FAM178B: variants seen among roughly 807,000 people sequenced by gnomAD.
FAM178B encodes family with sequence similarity 178 member B.
FAM178B carries 82 observed loss-of-function variants against 91.7 expected under a neutral mutation model. The ratio of observed to expected loss-of-function variants is 0.89; its 90% CI spans 0.75 to 1.07. The LOEUF is 1.07. FAM178B is among the 50% of genes least tolerant of loss of function. The pLI is 0.00. For synonymous variants in FAM178B, 368 were observed against 359.4 expected, an observed-to-expected ratio of 1.02 and a Z score of -0.27; for missense variants, 769 against 846.7, an observed-to-expected ratio of 0.91 and a Z score of 1.14.
intron 8 of FAM178B, among the ~76,000 whole-genome samples, chr2:96,941,713 A>T (rs891738358): frequency 3.3e-5 from 5 of 152,230 alleles, no homozygotes; most frequent in Non-Finnish European, 7.3e-5. Context: ...ATATTATAGA[A>T]GCCAACAGAG....
At chr2:96,928,686 G>A (rs543285985) in intron 9 of FAM178B, among the ~76,000 whole-genome samples, 2 of 152,308 alleles carry the variant, frequency 1.3e-5, no homozygotes, top group Admixed American at 6.5e-5. Context: ...GAGTCAGGAA[G>A]TGCCAAAAAC....
intron 6 of FAM178B, among the ~76,000 whole-genome samples, chr2:96,954,353 G>C (rs1026826003): frequency 6.6e-6 from 1 of 152,260 alleles, no homozygotes; most frequent in Non-Finnish European, 1.5e-5. Flanking sequence ...CACTGGAGCA[G>C]AAGGAAGCGA....
intron 4 of FAM178B, among the ~76,000 whole-genome samples, chr2:96,970,091 C>A (rs1241153967): frequency 6.6e-6 from 1 of 152,200 alleles, no homozygotes; most frequent in Non-Finnish European, 1.5e-5. Context: ...AAAGAGCATG[C>A]CCCCATGAAG....
intron 8 of FAM178B, among the ~76,000 whole-genome samples, chr2:96,929,891 C>T (rs11164113): frequency 1.3e-5 from 2 of 151,980 alleles, no homozygotes; most frequent in Non-Finnish European, 1.5e-5. Flanking sequence ...GTTTCCCTTG[C>T]CCAATTTAAC....
intron 15 of FAM178B, 42 bp from the exon 16 acceptor site, chr2:96,878,084 G>T (rs754734413): frequency 6.3e-6 from 10 of 1,596,534 alleles, no homozygotes; most frequent in Non-Finnish European, 8.5e-6. Context: ...TGTAGCACAA[G>T]CCAGGCACAT....
intron 6 of FAM178B, among the ~76,000 whole-genome samples, chr2:96,952,928 T>G (rs1185275373): frequency 6.6e-6 from 1 of 152,146 alleles, no homozygotes; most frequent in African/African-American, 2.4e-5. Context: ...CAGCCCAACC[T>G]CCTCCTTCTG....
At chr2:96,905,565 AAAAAG>A (rs1392485611) in intron 12 of FAM178B, among the ~76,000 whole-genome samples, 14 of 150,172 alleles carry the variant, frequency 9.3e-5, no homozygotes, top group African/African-American at 2.4e-4. Flanking sequence ...TCAAAAAAAA[AAAAAG>A]AAAAAGAAAA....
chr2:96,891,340 C>A (rs903797848), intron 14 of FAM178B, among the ~76,000 whole-genome samples: 2 of 152,196 alleles, frequency 1.3e-5, no homozygotes, highest in African/African-American at 2.4e-5. Context: ...GCTATAAGCT[C>A]TTGTGGCCTT....
At chr2:96,925,067 C>T (rs2081412290) in intron 9 of FAM178B, among the ~76,000 whole-genome samples, 1 of 152,088 alleles carries the variant, frequency 6.6e-6, no homozygotes. Flanking sequence ...GTAAGGCTGG[C>T]ATTTGCACAT....
intron 9 of FAM178B, 84 bp from the exon 10 acceptor site, chr2:96,923,667 G>A: frequency 1.0e-6 from 1 of 975,974 alleles, no homozygotes; most frequent in Non-Finnish European, 1.6e-6. Context: ...GGACACTGCT[G>A]CCCTGAGGCT....
At chr2:96,911,852 G>A (rs1435462493) in intron 12 of FAM178B, among the ~76,000 whole-genome samples, 1 of 152,178 alleles carries the variant, frequency 6.6e-6, no homozygotes, top group African/African-American at 2.4e-5. Flanking sequence ...GGAAGACAGG[G>A]AAGGGGTCCT....
At chr2:96,975,414 C>G (rs2082276539) in intron 1 of FAM178B, among the ~76,000 whole-genome samples, 1 of 152,112 alleles carries the variant, frequency 6.6e-6, no homozygotes, top group Admixed American at 6.6e-5. Flanking sequence ...TGTAAGCATA[C>G]TTCTTTCAAA....
Position 96,972,585 on chromosome 2 carries a change from T to G in FAM178B, c.95A>C (p.Gln32Pro). 1 of 1,551,638 alleles carries G rather than the reference T, an allele frequency of 6.4e-7. No individual in the cohort carries two copies. Among genetic ancestry groups the G allele is most frequent in the Non-Finnish European group, 8.7e-7 (1 of 1,146,990 alleles). ...CACCGTCTCCTGGGGCCCAGCCATCTGCAAGCCGTGGGACATCTGTCCTGG... is the reference window on the plus strand; with the variant it reads ...CACCGTCTCCTGGGGCCCAGCCATCGGCAAGCCGTGGGACATCTGTCCTGG... ...HFTGQMSHGL[Q>P]MAGPQETVLA... Residue 32 changes from glutamine to proline, a missense_variant, in exon 2 of 17, where the codon CAG becomes CCG. Gln to Pro is a moderately conservative substitution (Grantham distance 76). Transcript: ENST00000490605.
At chr2:96,908,748 C>T (rs999837500) in intron 12 of FAM178B, among the ~76,000 whole-genome samples, 29 of 152,056 alleles carry the variant, frequency 1.9e-4, no homozygotes, top group African/African-American at 2.9e-4. Context: ...TCCATTCACA[C>T]GTATTATAAG....
intron 12 of FAM178B, among the ~76,000 whole-genome samples, chr2:96,905,832 A>ACGTATATATACGTATATATATATATG (rs561491615): frequency 6.2e-4 from 16 of 25,838 alleles, no homozygotes; most frequent in Admixed American, 1.5e-3. Flanking sequence ...ATATATATAT[A>ACGTATATATACGTATATATATATATG]TATATATATA....
At chr2:96,963,532 G>A (rs1375982659) in intron 5 of FAM178B, among the ~76,000 whole-genome samples, 1 of 152,228 alleles carries the variant, frequency 6.6e-6, no homozygotes, top group Non-Finnish European at 1.5e-5. Flanking sequence ...GCCTTTCCCT[G>A]GAACTCTGGG....
chr2:96,971,803 G>A (rs1443965720), intron 3 of FAM178B, 98 bp downstream of exon 3: 10 of 1,154,288 alleles, frequency 8.7e-6, no homozygotes, highest in Non-Finnish European at 1.2e-5. Context: ...AAGAGCAGCT[G>A]GGGCGTGGCT....
intron 12 of FAM178B, among the ~76,000 whole-genome samples, chr2:96,920,172 C>T (rs777557766): frequency 1.6e-4 from 24 of 152,232 alleles, no homozygotes; most frequent in Non-Finnish European, 2.9e-4. Flanking sequence ...TGGTCTGCTC[C>T]GGAAAGGGCA....
At chr2:96,877,746 AC>A (rs978459468) in intron 16 of FAM178B, 143 bp downstream of exon 16, 11 of 797,584 alleles carry the variant, frequency 1.4e-5, no homozygotes, top group Non-Finnish European at 2.2e-5. Flanking sequence ...AGGCGTCCCC[AC>A]CCTTCCCCCA....
Sources: allele counts gnomAD v4.1 joint callset (sites outside exome capture counted in the v4.1 genomes callset), GRCh38; gene constraint gnomAD v4.1.1; transcripts MANE v1.5; gene names NCBI Gene and HGNC (gene_info 2026-07-23, HGNC 2026-07-21).